KCNIP4: variants seen among roughly 807,000 people sequenced by gnomAD.
KCNIP4 encodes the protein Kv channel-interacting protein 4.
Under a neutral mutation model 34.0 loss-of-function variants are expected in KCNIP4, and 12 were observed. The ratio of observed to expected loss-of-function variants is 0.35; its 90% CI spans 0.23 to 0.57. The LOEUF is 0.57. Among genes scored for constraint, KCNIP4 ranks in the 20% least tolerant of loss-of-function variants. The pLI is 0.83. For missense variants in KCNIP4, 238 were observed against 311.7 expected, an observed-to-expected ratio of 0.76 and a Z score of 1.78; for synonymous variants, 124 against 102.2, an observed-to-expected ratio of 1.21 and a Z score of -1.29.
intron 1 of KCNIP4, among the ~76,000 whole-genome samples, chr4:21,298,879 T>G (rs140864947): frequency 8.7e-4 from 133 of 152,294 alleles, no homozygotes; most frequent in African/African-American, 3.1e-3. Context: ...GGATGCCTAA[T>G]TTAACACTTT....
intron 1 of KCNIP4, among the ~76,000 whole-genome samples, chr4:21,640,773 G>A (rs533428051): frequency 6.6e-6 from 1 of 152,152 alleles, no homozygotes; most frequent in Non-Finnish European, 1.5e-5. Flanking sequence ...AACAAGAGAA[G>A]GCTCTGCAAC....
intron 1 of KCNIP4, among the ~76,000 whole-genome samples, chr4:21,691,603 A>G (rs1156628842): frequency 6.6e-6 from 1 of 151,932 alleles, no homozygotes; most frequent in Non-Finnish European, 1.5e-5. Context: ...CGTTTCTTTA[A>G]GTACTTAAAC....
At chr4:20,903,523 T>A (rs1024999336) in intron 1 of KCNIP4, among the ~76,000 whole-genome samples, 1 of 152,130 alleles carries the variant, frequency 6.6e-6, no homozygotes, top group Non-Finnish European at 1.5e-5. Flanking sequence ...TTTCTATTGA[T>A]CTCAGGTCTT....
intron 1 of KCNIP4, among the ~76,000 whole-genome samples, chr4:21,379,444 T>C (rs1219538228): frequency 1.3e-5 from 2 of 152,296 alleles, no homozygotes; most frequent in African/African-American, 2.4e-5. Flanking sequence ...CACTAACCTA[T>C]TTGAAATCCT....
intron 1 of KCNIP4, among the ~76,000 whole-genome samples, chr4:21,594,795 T>C (rs1341502141): frequency 1.5e-5 from 2 of 133,394 alleles, no homozygotes; most frequent in African/African-American, 3.2e-5. Context: ...TCTTAATCCA[T>C]GTGTTAAATG....
chr4:21,242,135 T>G (rs4090720), intron 1 of KCNIP4, among the ~76,000 whole-genome samples: 30,044 of 134,844 alleles, frequency 0.22, 5,396 homozygotes, highest in African/African-American at 0.52. Context: ...CTGCACTCCA[T>G]CCTGGGCGAC....
chr4:21,116,827 C>T (rs1749715262), intron 1 of KCNIP4, among the ~76,000 whole-genome samples: 1 of 152,140 alleles, frequency 6.6e-6, no homozygotes, highest in African/African-American at 2.4e-5. Context: ...TCTTTTTCTT[C>T]CTCACAGCAT....
chr4:21,516,794 C>T (rs1361869248), intron 1 of KCNIP4, among the ~76,000 whole-genome samples: 2 of 151,948 alleles, frequency 1.3e-5, no homozygotes, highest in African/African-American at 2.4e-5. Flanking sequence ...GTGTCTGAAA[C>T]GGTTTAGGAA....
intron 1 of KCNIP4, among the ~76,000 whole-genome samples, chr4:21,881,272 C>T (rs1578105431): frequency 1.3e-5 from 2 of 152,052 alleles, no homozygotes; most frequent in South Asian, 2.1e-4. Context: ...TGAAATAATG[C>T]AAATGAATAA....
rs116660667 is a variant in KCNIP4 at position 21,682,172 on chromosome 4, C to T, written c.61+266399G>A. 6.3e-3 allele frequency among the ~76,000 whole-genome samples: 953 copies of T among 152,250 alleles called. 13 individuals carry two copies. Among genetic ancestry groups the T allele is most frequent in the African/African-American group, 0.022 (894 of 41,546 alleles). On this transcript the variant is annotated intron_variant, in intron 1 of 8. Coordinates refer to ENST00000382152, the MANE Select transcript of KCNIP4 (RefSeq NM_025221.6). ...CCTTCCAAAGCGCTGAGATTACCTG[C>T]GTGAGCCACCACGCCCAGCCAATGC... is the stretch of plus-strand genomic sequence containing the variant.
At chr4:21,015,896 CAATAT>C (rs1739492130) in intron 1 of KCNIP4, among the ~76,000 whole-genome samples, 1 of 134,494 alleles carries the variant, frequency 7.4e-6, no homozygotes, top group Non-Finnish European at 1.6e-5. Context: ...ACAATATATA[CAATAT>C]AATATGTTTA....
At chr4:21,775,949 G>A (rs184145146) in intron 1 of KCNIP4, among the ~76,000 whole-genome samples, 97 of 152,300 alleles carry the variant, frequency 6.4e-4, no homozygotes, top group Non-Finnish European at 1.0e-3. Flanking sequence ...TAGACAGCAG[G>A]CAGCCACAGC....
intron 1 of KCNIP4, among the ~76,000 whole-genome samples, chr4:21,057,127 G>C (rs1043877053): frequency 6.6e-6 from 1 of 152,100 alleles, no homozygotes; most frequent in African/African-American, 2.4e-5. Context: ...AATTGTAAAT[G>C]TAGGAGTATC....
chr4:21,833,847 G>C (rs1260746456), intron 1 of KCNIP4, among the ~76,000 whole-genome samples: 3 of 152,104 alleles, frequency 2.0e-5, no homozygotes, highest in Non-Finnish European at 4.4e-5. Context: ...ATTAAATAGG[G>C]AATCCTTTCC....
At chr4:21,545,652 G>C (rs568305239) in intron 1 of KCNIP4, among the ~76,000 whole-genome samples, 3 of 152,122 alleles carry the variant, frequency 2.0e-5, no homozygotes, top group Admixed American at 1.3e-4. Flanking sequence ...TTCTGTTCCT[G>C]TGTTAGTTTG....
At chr4:20,965,973 G>A (rs1312291528) in intron 1 of KCNIP4, among the ~76,000 whole-genome samples, 1 of 152,140 alleles carries the variant, frequency 6.6e-6, no homozygotes, top group Non-Finnish European at 1.5e-5. Flanking sequence ...TTGTCATGAA[G>A]AAATGCATTT....
chr4:21,330,970 A>T (rs1715574778), intron 1 of KCNIP4, among the ~76,000 whole-genome samples: 1 of 152,282 alleles, frequency 6.6e-6, no homozygotes, highest in South Asian at 2.1e-4. Flanking sequence ...CCCAACCTGG[A>T]TCAGGACCGA....
intron 1 of KCNIP4, among the ~76,000 whole-genome samples, chr4:21,813,183 G>C (rs1468217372): frequency 1.3e-5 from 2 of 152,052 alleles, no homozygotes; most frequent in Admixed American, 6.5e-5. Context: ...TCCCTTTTTA[G>C]AACAATTCAT....
chr4:20,745,631 G>A (rs1158134324), intron 5 of KCNIP4, among the ~76,000 whole-genome samples: 1 of 152,160 alleles, frequency 6.6e-6, no homozygotes, highest in Non-Finnish European at 1.5e-5. Context: ...GGGGTGGAGA[G>A]GTCTGTACCG....
Sources: gnomAD v4.1 joint callset for allele counts (sites outside exome capture counted in the v4.1 genomes callset) on GRCh38, gnomAD v4.1.1 for gene constraint, MANE v1.5 for transcripts, NCBI Gene and HGNC (gene_info 2026-07-23, HGNC 2026-07-21) for gene names.